Variants in RGS3 observed in about 807,000 individuals in gnomAD.
RGS3 encodes regulator of G protein signaling 3.
RGS3 carries 80 observed loss-of-function variants against 132.6 expected under a neutral mutation model. That is an observed-to-expected ratio of 0.60 (90% confidence interval 0.50 to 0.73). The LOEUF is 0.73. Among genes scored for constraint, RGS3 ranks in the 30% least tolerant of loss-of-function variants. The pLI, the probability that RGS3 is intolerant of heterozygous loss-of-function variation, is 0.00. For missense variants in RGS3, 1,382 were observed against 1,530.8 expected, an observed-to-expected ratio of 0.90 and a Z score of 1.62; for synonymous variants, 598 against 620.6, an observed-to-expected ratio of 0.96 and a Z score of 0.54.
rs117006368 is a variant in RGS3, at chr9:113,529,796, C to T, written c.1914+532C>T. Among the ~76,000 whole-genome samples, 216 of 152,298 alleles carry T rather than the reference C, an allele frequency of 1.4e-3. 1 individual carries two copies. The highest frequency in any genetic ancestry group is 6.8e-3 in the Middle Eastern group (2 of 294). ...CTGGGTTTCAGGCTGGAATGATACC[C>T]ACTCAGTGTGGTTGAGATTCCTGGT... On this transcript the variant is annotated intron_variant, in intron 18 of 24. Transcript: ENST00000350696.
rs368528438 is a variant in RGS3, at chr9:113,496,868, G to T, written c.751-446G>T. Among the ~76,000 whole-genome samples, 18 of 152,220 alleles carry T rather than the reference G, an allele frequency of 1.2e-4. No homozygotes were observed. In the East Asian group the frequency reaches 1.9e-3, roughly 16 times the overall value. On this transcript the variant is annotated intron_variant, in intron 8 of 24. Transcript: ENST00000350696. Reference sequence around the variant, plus strand: ...GCCCGGTCTAGAGCTTCTCTTGACTGCAGCCTTGGCTTCATTCTCCTAGAA... The same window carrying T: ...GCCCGGTCTAGAGCTTCTCTTGACTTCAGCCTTGGCTTCATTCTCCTAGAA...
At chr9:113,462,082 C>T (rs1469565780) in exon 3 of RGS3, 1 of 1,613,976 alleles carries the variant, frequency 6.2e-7, no homozygotes, top group Non-Finnish European at 8.5e-7. Flanking sequence ...CTGAGCTTGC[C>T]CATATTCCCT....
At chr9:113,551,878 TAAAC>T (rs1833355095) in intron 19 of RGS3, among the ~76,000 whole-genome samples, 1 of 152,104 alleles carries the variant, frequency 6.6e-6, no homozygotes, top group Admixed American at 6.6e-5. Context: ...AATAAATAAA[TAAAC>T]AAAGTGGCTG....
chr9:113,468,482 G>A (rs892123977), intron 3 of RGS3, among the ~76,000 whole-genome samples: 1 of 152,112 alleles, frequency 6.6e-6, no homozygotes, highest in African/African-American at 2.4e-5. Context: ...ATCAGGTTGT[G>A]TAAATCCTCC....
At chr9:113,582,202 G>A (rs1006847192) in intron 19 of RGS3, 49 of 985,270 alleles carry the variant, frequency 5.0e-5, no homozygotes, top group Non-Finnish European at 5.5e-5. Flanking sequence ...TCTCAGCTTC[G>A]AGCATGGCTT....
rs1194143258 is a variant in RGS3 at position 113,536,924 on chromosome 9, G to A, written c.2037+6G>A. The A allele has an allele frequency of 6.2e-7, 1 of 1,613,418 alleles. No homozygotes were observed. Among genetic ancestry groups the A allele is most frequent in the African/African-American group, 1.3e-5 (1 of 75,040 alleles). On this transcript the variant is annotated splice_donor_region_variant and intron_variant, in intron 19 of 24. Coordinates refer to ENST00000350696, the Ensembl canonical transcript of RGS3. Reference sequence around the variant, plus strand: ...CATCACCCCCGGACAGCAAGGTAAGGGCCTTGACAGTGGCTGTGGCCTGGC... The same window carrying A: ...CATCACCCCCGGACAGCAAGGTAAGAGCCTTGACAGTGGCTGTGGCCTGGC...
intron 19 of RGS3, among the ~76,000 whole-genome samples, chr9:113,571,501 A>G (rs1834288627): frequency 1.3e-5 from 2 of 152,164 alleles, no homozygotes; most frequent in African/African-American, 4.8e-5. Context: ...TGTGTTGATT[A>G]GCCATTTGGA....
rs1217293385 is a variant in RGS3 at position 113,553,459 on chromosome 9, A to AAT, written c.2037+16572_2037+16573dup. Reference sequence around the variant, plus strand: ...CTCTGTTTAAAAAAAAAAAAAAAAAAATATATATATATATATATATATATA... The same window carrying AAT: ...CTCTGTTTAAAAAAAAAAAAAAAAAAATATATATATATATATATATATATATA... On this transcript the variant is annotated intron_variant, in intron 19 of 24. Coordinates refer to ENST00000350696, the Ensembl canonical transcript of RGS3. Among the ~76,000 whole-genome samples the AAT allele has an allele frequency of 8.4e-3, 492 of 58,630 alleles. 9 individuals are homozygous for AAT. Among genetic ancestry groups the AAT allele is most frequent in the Middle Eastern group, 0.015 (1 of 66 alleles). 38.5% of individuals were successfully genotyped at this position (58,630 alleles called of 152,430 possible). A position where few individuals can be genotyped will look rare whatever the true frequency, so the allele number is the denominator to read the frequency against.
chr9:113,553,454 AAAAAAATAT>A (rs1290621846), intron 19 of RGS3, among the ~76,000 whole-genome samples: 11 of 106,826 alleles, frequency 1.0e-4, no homozygotes, highest in African/African-American at 1.6e-4. Context: ...AAAAAAAAAA[AAAAAAATAT>A]ATATATATAT....
chr9:113,514,398 A>C, intron 14 of RGS3, 60 bp from the exon 13 acceptor site: 1 of 1,468,564 alleles, frequency 6.8e-7, no homozygotes, highest in Non-Finnish European at 9.4e-7. Flanking sequence ...GTTTCTACAG[A>C]GGGGACACCT....
intron 19 of RGS3, among the ~76,000 whole-genome samples, chr9:113,576,009 G>A (rs1317581906): frequency 1.3e-5 from 2 of 152,010 alleles, no homozygotes; most frequent in Admixed American, 6.5e-5. Context: ...GACCATCCTG[G>A]CTAACATGGT....
chr9:113,520,063 C>G (rs1340699443), intron 16 of RGS3, among the ~76,000 whole-genome samples: 1 of 152,206 alleles, frequency 6.6e-6, no homozygotes, highest in South Asian at 2.1e-4. Flanking sequence ...TAGTTAGGGC[C>G]ACTTGGGAGA....
intron 19 of RGS3, among the ~76,000 whole-genome samples, chr9:113,551,592 G>A (rs1833341396): frequency 2.6e-5 from 4 of 152,192 alleles, no homozygotes; most frequent in Non-Finnish European, 5.9e-5. Context: ...GCTCATGTCT[G>A]TAATCCCAGA....
intron 8 of RGS3, among the ~76,000 whole-genome samples, chr9:113,496,201 G>A (rs780388981): frequency 6.6e-6 from 1 of 152,162 alleles, no homozygotes; most frequent in South Asian, 2.1e-4. Context: ...CCCGTGGTCC[G>A]TTCCAGGGGT....
chr9:113,536,790 C>T lies in RGS3; in HGVS notation c.1915-6C>T, dbSNP rs372417470. On this transcript the variant is annotated splice_polypyrimidine_tract_variant and splice_region_variant and intron_variant, in intron 18 of 24. Transcript: ENST00000350696. ...CCGTCCGTTTCTCTATTTTCCCTGA[C>T]GTCAGAAGGCAGAGTGCTTATTCAC... 37 of 1,612,868 alleles carry T rather than the reference C, an allele frequency of 2.3e-5. No homozygotes were observed. The highest frequency in any genetic ancestry group is 1.2e-4 in the Admixed American group (7 of 59,966).
chr9:113,514,679 G>A, intron 15 of RGS3, 25 bp downstream of exon 13: 7 of 1,609,516 alleles, frequency 4.3e-6, no homozygotes, highest in Non-Finnish European at 5.9e-6. Flanking sequence ...GGTCTTAAAG[G>A]TTCCCTCAGG....
Position 113,591,307 on chromosome 9 carries a change from G to A in RGS3, c.3016-26G>A. The A allele has an allele frequency of 6.2e-7, 1 of 1,608,992 alleles. No homozygotes were observed. On this transcript the variant is annotated intron_variant, in intron 20 of 24. Transcript: ENST00000350696. This position sits in a 1 kb window ranked among gnomAD's most constrained non-coding sequence, Gnocchi z 4.4. ...GCAGGAGTTCCTGGGTGCCCAGACTGCATCGTGTCTGTCTTCTCTCCGCAG... is the reference window on the plus strand; with the variant it reads ...GCAGGAGTTCCTGGGTGCCCAGACTACATCGTGTCTGTCTTCTCTCCGCAG...
chr9:113,506,401 A>C lies in RGS3; in HGVS notation c.993A>C (p.Glu331Asp), dbSNP rs1363969209. The change falls in exon 12 of 25, where the codon GAA becomes GAC. Residue 331 changes from glutamate to aspartate, a missense_variant. Physicochemically the swap from Glu to Asp is conservative, Grantham distance 45. Coordinates refer to ENST00000350696, the Ensembl canonical transcript of RGS3. This position sits in a 1 kb window ranked among gnomAD's most constrained non-coding sequence, Gnocchi z 4.7. ...TTGTCCCTGCAGGGGGTCCGGCGGAACGGGCAGGGCTGCAGCAGCTGGACA... is the reference window on the plus strand; with the variant it reads ...TTGTCCCTGCAGGGGGTCCGGCGGACCGGGCAGGGCTGCAGCAGCTGGACA... 6.3e-7 allele frequency: 1 copy of C among 1,589,530 alleles called. No individual in the cohort carries two copies. Among genetic ancestry groups the C allele is most frequent in the Non-Finnish European group, 8.6e-7 (1 of 1,169,218 alleles).
At chr9:113,587,269 C>G (rs1710583315) in intron 20 of RGS3, among the ~76,000 whole-genome samples, 1 of 152,194 alleles carries the variant, frequency 6.6e-6, no homozygotes, top group Non-Finnish European at 1.5e-5. Context: ...TGGCAGGTTC[C>G]CCCATGACTT....
Sources: gnomAD v4.1 joint callset for allele counts (sites outside exome capture counted in the v4.1 genomes callset) on GRCh38, gnomAD v4.1.1 for gene constraint, Gnocchi (gnomAD v3.1) non-coding constraint, MANE v1.5 for transcripts, NCBI Gene and HGNC (gene_info 2026-07-23, HGNC 2026-07-21) for gene names.